The following NELL1 variants were observed in gnomAD, a reference collection of about 807,000 sequenced individuals.
NELL1 encodes the protein protein kinase C-binding protein NELL1.
Under a neutral mutation model 107.4 loss-of-function variants are expected in NELL1, and 76 were observed. That is an observed-to-expected ratio of 0.71 (90% CI 0.59 to 0.86). The LOEUF (loss-of-function observed/expected upper bound fraction) is 0.86, where lower values mean the gene tolerates loss of function less well. Among genes scored for constraint, NELL1 ranks in the 40% least tolerant of loss-of-function variants. The pLI, the probability that NELL1 is intolerant of heterozygous loss-of-function variation, is 0.00. For synonymous variants in NELL1, 353 were observed against 341.2 expected (o/e 1.03, Z -0.38); for missense variants, 1,024 against 1,005.5 (o/e 1.02, Z -0.25).
At chr11:20,810,018 A>G (rs1171964600) in intron 3 of NELL1, among the ~76,000 whole-genome samples, 1 of 152,136 alleles carries the variant, frequency 6.6e-6, no homozygotes, top group Non-Finnish European at 1.5e-5. Flanking sequence ...CATCCTTGCC[A>G]GCACTTGCTA....
At chr11:21,346,307 T>C (rs1357658643) in intron 14 of NELL1, among the ~76,000 whole-genome samples, 1 of 151,986 alleles carries the variant, frequency 6.6e-6, no homozygotes, top group Non-Finnish European at 1.5e-5. Context: ...TTCCATTGAA[T>C]CAAGAGTACT....
At chr11:21,512,279 C>A (rs1397631469) in intron 15 of NELL1, among the ~76,000 whole-genome samples, 2 of 152,128 alleles carry the variant, frequency 1.3e-5, no homozygotes, top group Non-Finnish European at 2.9e-5. Context: ...CTATCTCCCC[C>A]AAAGATAAAC....
At chr11:21,353,142 A>T (rs1030729797) in intron 14 of NELL1, among the ~76,000 whole-genome samples, 1 of 152,198 alleles carries the variant, frequency 6.6e-6, no homozygotes, top group African/African-American at 2.4e-5. Flanking sequence ...CAGACAAGGC[A>T]TCTTGCTTGA....
Position 21,496,076 on chromosome 11 carries a change from C to A in NELL1, c.1646-38298C>A, listed in dbSNP as rs1854969370. 2.0e-5 allele frequency among the ~76,000 whole-genome samples: 3 copies of A among 151,958 alleles called. No individual in the cohort carries two copies. In the South Asian group the frequency reaches 6.2e-4, roughly 32 times the overall value. On this transcript the variant is annotated intron_variant, in intron 15 of 19. Transcript: ENST00000357134. The stretch of plus-strand genomic sequence containing the variant: ...GACTTGGCTATAAGGTCACGTGACC[C>A]TGAAGACCTTGAAAATGATAGATTA...
intron 17 of NELL1, among the ~76,000 whole-genome samples, chr11:21,563,538 A>G (rs2134004997): frequency 6.6e-6 from 1 of 152,162 alleles, no homozygotes; most frequent in Admixed American, 6.6e-5. Flanking sequence ...AAACAAAGAT[A>G]ATGCAAATTT....
chr11:21,372,107 C>T (rs1435723207), intron 15 of NELL1, among the ~76,000 whole-genome samples: 1 of 151,906 alleles, frequency 6.6e-6, no homozygotes, highest in Non-Finnish European at 1.5e-5. Flanking sequence ...CAAATAATAA[C>T]TGTTTTTTCT....
chr11:20,943,989 G>T (rs1479524786), intron 10 of NELL1, among the ~76,000 whole-genome samples: 1 of 152,198 alleles, frequency 6.6e-6, no homozygotes, highest in Non-Finnish European at 1.5e-5. Context: ...TCAGCAGAGA[G>T]TGAGGGTAAT....
chr11:20,842,442 A>T (rs917995527), intron 3 of NELL1, among the ~76,000 whole-genome samples: 1 of 152,232 alleles, frequency 6.6e-6, no homozygotes, highest in Non-Finnish European at 1.5e-5. Context: ...GATTAGCATA[A>T]AGAATGAGGG....
chr11:21,161,459 C>A (rs1856367468), intron 13 of NELL1, among the ~76,000 whole-genome samples: 2 of 152,128 alleles, frequency 1.3e-5, no homozygotes, highest in Admixed American at 6.5e-5. Flanking sequence ...ACTGCTTGAG[C>A]CTGGGAGGAG....
chr11:21,226,981 C>T (rs986838083), intron 13 of NELL1, among the ~76,000 whole-genome samples: 1 of 152,122 alleles, frequency 6.6e-6, no homozygotes, highest in Admixed American at 6.6e-5. Context: ...GATGCCACCT[C>T]ATTAGAGAAA....
intron 14 of NELL1, among the ~76,000 whole-genome samples, chr11:21,362,231 C>T (rs1420280382): frequency 7.9e-5 from 12 of 152,164 alleles, no homozygotes; most frequent in African/African-American, 2.7e-4. Context: ...ATGGGACTTC[C>T]TGAGAGCTGG....
intron 15 of NELL1, among the ~76,000 whole-genome samples, chr11:21,433,797 T>G (rs1853031936): frequency 6.6e-6 from 1 of 152,172 alleles, no homozygotes; most frequent in Non-Finnish European, 1.5e-5. Flanking sequence ...TGCCTCAGCC[T>G]CCGTAGTAGT....
intron 13 of NELL1, among the ~76,000 whole-genome samples, chr11:21,153,902 G>A (rs901802417): frequency 6.6e-6 from 1 of 152,138 alleles, no homozygotes; most frequent in Non-Finnish European, 1.5e-5. Flanking sequence ...TACCCATGAG[G>A]AATCCTATTC....
intron 12 of NELL1, among the ~76,000 whole-genome samples, chr11:21,042,372 G>A (rs754165910): frequency 6.6e-6 from 1 of 152,300 alleles, no homozygotes; most frequent in Middle Eastern, 3.4e-3. Flanking sequence ...AGTGCTATGG[G>A]CCATACTACT....
intron 16 of NELL1, among the ~76,000 whole-genome samples, chr11:21,547,430 T>C (rs1856470149): frequency 6.6e-6 from 1 of 151,846 alleles, no homozygotes; most frequent in African/African-American, 2.4e-5. Flanking sequence ...AGCCTTTCAA[T>C]AGAGGTGGAG....
chr11:20,924,279 A>C (rs544882215), intron 7 of NELL1, among the ~76,000 whole-genome samples: 65 of 152,216 alleles, frequency 4.3e-4, no homozygotes, highest in Non-Finnish European at 8.8e-4. Flanking sequence ...GCAAGAGGTT[A>C]CATGAAGTTC....
intron 12 of NELL1, among the ~76,000 whole-genome samples, chr11:21,031,042 C>T (rs569546136): frequency 1.3e-5 from 2 of 152,176 alleles, no homozygotes; most frequent in Admixed American, 6.6e-5. Flanking sequence ...TTTTACATTA[C>T]CATCTATATT....
At chr11:20,867,929 A>C (rs375073166) in intron 4 of NELL1, among the ~76,000 whole-genome samples, 62 of 152,302 alleles carry the variant, frequency 4.1e-4, no homozygotes, top group African/African-American at 1.5e-3. Flanking sequence ...TGAGACATTT[A>C]TTTATTTTAC....
chr11:20,785,858 C>G (rs1366023045), intron 3 of NELL1, among the ~76,000 whole-genome samples: 2 of 151,554 alleles, frequency 1.3e-5, no homozygotes, highest in African/African-American at 4.9e-5. Flanking sequence ...TGTTTTGAAA[C>G]TGTATTTGCA....
Sources: allele counts gnomAD v4.1 joint callset (sites outside exome capture counted in the v4.1 genomes callset), GRCh38; gene constraint gnomAD v4.1.1; transcripts MANE v1.5; gene names NCBI Gene and HGNC (gene_info 2026-07-23, HGNC 2026-07-21).